Variants in OTOF observed in about 807,000 individuals in gnomAD.
OTOF encodes the protein otoferlin, also known as fer-1-like family member 2.
OTOF carries 218 observed loss-of-function variants against 236.8 expected under a neutral mutation model. That is an observed-to-expected ratio of 0.92 (90% CI 0.82 to 1.03). The LOEUF is 1.03. OTOF is among the 50% of genes least tolerant of loss of function. OTOF has a pLI of 0.00. For synonymous variants in OTOF, 1,041 were observed against 1,072.5 expected (o/e 0.97, Z 0.57); for missense variants, 2,590 against 2,694.4 (o/e 0.96, Z 0.86).
intron 1 of OTOF, among the ~76,000 whole-genome samples, chr2:26,540,221 C>G (rs62127740): frequency 2.8e-4 from 43 of 152,292 alleles, no homozygotes; most frequent in South Asian, 8.3e-4. Context: ...TGTGAGTCAC[C>G]GCGCCCAGCC....
At chr2:26,509,413 C>T (rs1459240839) in intron 5 of OTOF, among the ~76,000 whole-genome samples, 1 of 152,188 alleles carries the variant, frequency 6.6e-6, no homozygotes, top group Admixed American at 6.5e-5. Context: ...GGTCTCTGGG[C>T]TGGAGCTCTT....
Position 26,460,978 on chromosome 2 carries a change from C to A in OTOF, c.5586G>T (p.Lys1862Asn). The change falls in exon 44 of 47, where the codon AAG (lysine) becomes AAT (asparagine). Residue 1862 changes from lysine to asparagine, a missense_variant. Coordinates refer to ENST00000272371, the MANE Select transcript of OTOF (RefSeq NM_194248.3). This position sits in a 1 kb window ranked among gnomAD's most constrained non-coding sequence, Gnocchi z 5.3. ...NRFPRGAKTA[K>N]QCTMEMATGE... Reference sequence around the variant, plus strand: ...CGGTGGCCATCTCCATGGTGCACTGCTTGGCTGTCTTTGCGCCCCGCGGGA... The same window carrying A: ...CGGTGGCCATCTCCATGGTGCACTGATTGGCTGTCTTTGCGCCCCGCGGGA... The A allele has an allele frequency of 6.2e-7, 1 of 1,601,902 alleles. No individual in the cohort carries two copies.
At chr2:26,513,764 G>A (rs1004598844) in intron 5 of OTOF, among the ~76,000 whole-genome samples, 4 of 152,196 alleles carry the variant, frequency 2.6e-5, no homozygotes, top group Non-Finnish European at 5.9e-5. Context: ...CTCCTAACGG[G>A]GTCAGAGGTG....
At chr2:26,481,117 G>C in intron 14 of OTOF, 108 bp from the exon 15 acceptor site, 1 of 767,384 alleles carries the variant, frequency 1.3e-6, no homozygotes. Context: ...GTGCTGAGCT[G>C]AGAACTTCAT....
At chr2:26,544,529 T>C (rs940169957) in intron 1 of OTOF, among the ~76,000 whole-genome samples, 7 of 152,230 alleles carry the variant, frequency 4.6e-5, no homozygotes, top group Non-Finnish European at 5.9e-5. Context: ...TGATTTTTAT[T>C]GTAGAGTAAT....
chr2:26,490,397 T>C (rs957723015), intron 9 of OTOF, among the ~76,000 whole-genome samples: 4 of 152,190 alleles, frequency 2.6e-5, no homozygotes, highest in Admixed American at 2.0e-4. Context: ...TGGCAGTCGA[T>C]GTGAAATGCC....
chr2:26,529,007 T>C (rs1195078668), intron 2 of OTOF, among the ~76,000 whole-genome samples: 1 of 152,216 alleles, frequency 6.6e-6, no homozygotes, highest in African/African-American at 2.4e-5. Flanking sequence ...GTCATCTATT[T>C]GCGCTCCATT....
At chr2:26,484,406 C>T (rs1396845509) in intron 12 of OTOF, 68 bp downstream of exon 12, 1 of 1,573,898 alleles carries the variant, frequency 6.4e-7, no homozygotes, top group African/African-American at 1.3e-5. Context: ...AGCAAACCCT[C>T]ACCGGGGGCT....
At chr2:26,535,979 C>G (rs1667061126) in intron 2 of OTOF, among the ~76,000 whole-genome samples, 1 of 152,230 alleles carries the variant, frequency 6.6e-6, no homozygotes, top group African/African-American at 2.4e-5. Context: ...AACGCCTGGG[C>G]TGACATATCC....
At chr2:26,539,762 G>T (rs968708038) in intron 1 of OTOF, among the ~76,000 whole-genome samples, 1 of 152,150 alleles carries the variant, frequency 6.6e-6, no homozygotes, top group Non-Finnish European at 1.5e-5. Context: ...AAATAAAAAA[G>T]AAAGTGGTTA....
Position 26,489,530 on chromosome 2 carries a change from C to T in OTOF, c.960+148G>A. 5.3e-6 allele frequency: 4 copies of T among 753,140 alleles called. No homozygotes were observed. The South Asian group carries it at 6.0e-5, about 11-fold the overall frequency. The allele number at this position is 753,140 out of a possible 1,614,324, so 46.7% of individuals were successfully genotyped here. On this transcript the variant is annotated intron_variant, in intron 10 of 46. Transcript: ENST00000272371. Reference sequence around the variant, plus strand: ...GAAAGGGGTGGGTGGGGGCCAGAATCCAGCCTGTCCCTACTTGCCCAGCCG... The same window carrying T: ...GAAAGGGGTGGGTGGGGGCCAGAATTCAGCCTGTCCCTACTTGCCCAGCCG...
chr2:26,475,036 G>A (rs933390605), intron 25 of OTOF, among the ~76,000 whole-genome samples: 1 of 152,130 alleles, frequency 6.6e-6, no homozygotes, highest in African/African-American at 2.4e-5. Flanking sequence ...GCTGTTACTG[G>A]TTGTGGTAGG....
At chr2:26,484,242 C>T (rs1018303352) in intron 12 of OTOF, among the ~76,000 whole-genome samples, 2 of 152,248 alleles carry the variant, frequency 1.3e-5, no homozygotes, top group African/African-American at 4.8e-5. Context: ...ATCGACTCTT[C>T]TCAACCCATT....
In OTOF at chr2:26,474,088, T is replaced by G. The variant is rs1343294081; in HGVS notation, c.3311A>C (p.Asp1104Ala). 7 of 1,612,912 alleles carry G rather than the reference T, an allele frequency of 4.3e-6. No individual in the cohort carries two copies. In the South Asian group the frequency reaches 6.6e-5, roughly 15 times the overall value. The change falls in exon 27 of 47, where the codon GAC (aspartate) becomes GCC (alanine). Residue 1104 changes from aspartate (D) to alanine (A), a missense_variant. Asp to Ala is a moderately radical substitution (Grantham distance 126, BLOSUM62 -2). This residue lies in a region of OTOF where 1,211 missense variants were observed against 1,352.8 expected (regional missense o/e 0.90). Transcript: ENST00000272371. The stretch of plus-strand genomic sequence containing the variant: ...CACCGGGCCATTGATGGGGGGCAGG[T>G]CAGCCTTCCCTGCTGGTCCAATCTG... ...LLQIGPAGKA[D>A]LPPINGPVDV...
Position 26,501,789 on chromosome 2 carries a change from T to A in OTOF, c.730A>T (p.Met244Leu), listed in dbSNP as rs1443086050. Residue 244 changes from methionine (M) to leucine (L), a missense_variant, in exon 8 of 47, where the codon ATG becomes TTG. Around this residue, in one of 2 missense-constraint regions of OTOF, gnomAD observed 1,379 missense variants for 1,341.6 expected, o/e 1.03. Transcript: ENST00000272371. ...ATGGGCCGCCCAGCACTTGGCTCCATCTTAATGTCTGGCTTAGATCTGAGG... is the reference window on the plus strand; with the variant it reads ...ATGGGCCGCCCAGCACTTGGCTCCAACTTAATGTCTGGCTTAGATCTGAGG... ...SNKRSKPDIK[M>L]EPSAGRPMDY... 6.2e-7 allele frequency: 1 copy of A among 1,613,796 alleles called. No individual in the cohort carries two copies.
At chr2:26,469,968 G>A (rs1014462317) in intron 32 of OTOF, among the ~76,000 whole-genome samples, 1 of 152,212 alleles carries the variant, frequency 6.6e-6, no homozygotes, top group South Asian at 2.1e-4. Context: ...AAACAAGAAA[G>A]CAGAGAAATG....
intron 5 of OTOF, among the ~76,000 whole-genome samples, chr2:26,504,683 G>A (rs889911053): frequency 1.3e-5 from 2 of 151,840 alleles, no homozygotes; most frequent in African/African-American, 4.8e-5. Context: ...GGTCCTCACT[G>A]TCCTTCAGTG....
intron 3 of OTOF, among the ~76,000 whole-genome samples, chr2:26,519,874 C>A (rs1029468580): frequency 6.6e-6 from 1 of 152,222 alleles, no homozygotes; most frequent in Admixed American, 6.5e-5. Context: ...ACAGCCAGCA[C>A]TCCAAAGCAG....
chr2:26,494,658 G>A (rs1291042742), intron 9 of OTOF, among the ~76,000 whole-genome samples: 1 of 141,434 alleles, frequency 7.1e-6, no homozygotes, highest in African/African-American at 2.6e-5. Flanking sequence ...GAGTGGGGTG[G>A]GGGGGGGTTC....
Sources: allele counts gnomAD v4.1 joint callset (sites outside exome capture counted in the v4.1 genomes callset), GRCh38; gene constraint gnomAD v4.1.1; regional missense constraint gnomAD v4.1.1; non-coding constraint Gnocchi (gnomAD v3.1); transcripts MANE v1.5; gene names NCBI Gene and HGNC (gene_info 2026-07-23, HGNC 2026-07-21).